Variants in TECRL observed in about 807,000 individuals in gnomAD.
TECRL encodes trans-2,3-enoyl-CoA reductase-like.
A neutral mutation model predicts 52.8 loss-of-function variants in TECRL; 63 were observed. That is an observed-to-expected ratio of 1.19 (90% CI 0.97 to 1.47). TECRL has a LOEUF of 1.47. Among genes scored for constraint, TECRL ranks in the 40% most tolerant of loss-of-function variants. The probability of loss-of-function intolerance (pLI) is 0.00; values close to 1 mark genes in which losing one functional copy is unlikely to be tolerated. For missense variants in TECRL, 482 were observed against 429.6 expected, an observed-to-expected ratio of 1.12 and a Z score of -1.08; for synonymous variants, 164 against 141.9, an observed-to-expected ratio of 1.16 and a Z score of -1.10.
chr4:64,340,329 A>G (rs1466557104), intron 2 of TECRL, among the ~76,000 whole-genome samples: 1 of 152,136 alleles, frequency 6.6e-6, no homozygotes, highest in Non-Finnish European at 1.5e-5. Context: ...CACCCAAATC[A>G]TGGCTGCAGG....
chr4:64,358,666 T>A (rs548478570), intron 2 of TECRL, among the ~76,000 whole-genome samples: 10 of 151,832 alleles, frequency 6.6e-5, no homozygotes, highest in Non-Finnish European at 1.0e-4. Flanking sequence ...GCTATTATTA[T>A]CTTTCAAAAA....
At chr4:64,319,432 A>T (rs1717740342) in intron 4 of TECRL, among the ~76,000 whole-genome samples, 1 of 151,896 alleles carries the variant, frequency 6.6e-6, no homozygotes, top group Non-Finnish European at 1.5e-5. Flanking sequence ...CATAATCTTT[A>T]AAAGAAAACC....
intron 1 of TECRL, among the ~76,000 whole-genome samples, chr4:64,406,164 G>GTA (rs1724711894): frequency 2.0e-5 from 3 of 149,306 alleles, no homozygotes. Context: ...GCGCGCGCGC[G>GTA]CGTGTGTGTG....
At chr4:64,344,366 T>C (rs1010298788) in intron 2 of TECRL, among the ~76,000 whole-genome samples, 1 of 151,990 alleles carries the variant, frequency 6.6e-6, no homozygotes, top group Non-Finnish European at 1.5e-5. Context: ...TGATGTTATA[T>C]TTTTTTAGTT....
intron 9 of TECRL, among the ~76,000 whole-genome samples, chr4:64,283,938 C>G (rs1026594037): frequency 6.6e-6 from 1 of 151,972 alleles, no homozygotes; most frequent in Admixed American, 6.6e-5. Flanking sequence ...CTTCTAGCCA[C>G]TACAACTAGG....
At chr4:64,299,788 T>C (rs985204787) in intron 8 of TECRL, among the ~76,000 whole-genome samples, 186 bp downstream of exon 8, 5 of 150,852 alleles carry the variant, frequency 3.3e-5, no homozygotes, top group African/African-American at 1.2e-4. Flanking sequence ...ACATTTTGAT[T>C]ATAAAATTTA....
At chr4:64,377,274 T>C (rs1722470525) in intron 1 of TECRL, among the ~76,000 whole-genome samples, 1 of 152,036 alleles carries the variant, frequency 6.6e-6, no homozygotes, top group Non-Finnish European at 1.5e-5. Flanking sequence ...GATTGAGACA[T>C]ATATTCAATT....
chr4:64,320,439 G>C (rs1717822667), intron 4 of TECRL, among the ~76,000 whole-genome samples: 1 of 151,892 alleles, frequency 6.6e-6, no homozygotes, highest in African/African-American at 2.4e-5. Flanking sequence ...TATATTTTTA[G>C]CATTTAATAG....
intron 2 of TECRL, among the ~76,000 whole-genome samples, chr4:64,367,944 C>T (rs1169726282): frequency 6.6e-6 from 1 of 151,950 alleles, no homozygotes; most frequent in Non-Finnish European, 1.5e-5. Context: ...CTCCAGTGGG[C>T]ACATTTGTTA....
intron 2 of TECRL, among the ~76,000 whole-genome samples, chr4:64,343,826 A>G (rs773363469): frequency 1.3e-5 from 2 of 152,124 alleles, no homozygotes; most frequent in Non-Finnish European, 2.9e-5. Flanking sequence ...AACCTCAATT[A>G]CACACTTTAG....
At chr4:64,334,785 A>C (rs1718925178) in intron 2 of TECRL, among the ~76,000 whole-genome samples, 1 of 152,236 alleles carries the variant, frequency 6.6e-6, no homozygotes, top group Admixed American at 6.5e-5. Context: ...GTTGCCTGTG[A>C]TACGAAGCAC....
rs1479992575 is a variant in TECRL at position 64,279,963 on chromosome 4, T to C, written c.*109A>G. On this transcript the variant is annotated 3_prime_UTR_variant, in exon 12 of 12. Transcript: ENST00000381210. ...CTATTTTATATTTTTACTCAGTGTATATACTGTTGCTCATGAATTGTTGGA... is the reference window on the plus strand; with the variant it reads ...CTATTTTATATTTTTACTCAGTGTACATACTGTTGCTCATGAATTGTTGGA... The C allele has an allele frequency of 1.4e-6, 2 of 1,433,524 alleles. No individual in the cohort carries two copies. The highest frequency in any genetic ancestry group is 1.5e-5 in the African/African-American group (1 of 68,468). The allele number at this position is 1,433,524 out of a possible 1,614,324, so 88.8% of individuals were successfully genotyped here. A position where few individuals can be genotyped will look rare whatever the true frequency, so the allele number is the denominator to read the frequency against.
chr4:64,371,640 A>G (rs747030100), intron 2 of TECRL, among the ~76,000 whole-genome samples: 30 of 151,696 alleles, frequency 2.0e-4, no homozygotes, highest in Admixed American at 3.3e-4. Flanking sequence ...GGAAACCCAG[A>G]CTATAGGAAT....
intron 1 of TECRL, among the ~76,000 whole-genome samples, chr4:64,403,547 A>T (rs1724506381): frequency 6.6e-6 from 1 of 151,472 alleles, no homozygotes; most frequent in African/African-American, 2.4e-5. Context: ...TCTCCCTGTT[A>T]TATTCTTCTT....
chr4:64,285,510 T>G (rs771432106), intron 9 of TECRL, among the ~76,000 whole-genome samples: 12 of 152,046 alleles, frequency 7.9e-5, no homozygotes, highest in Non-Finnish European at 1.6e-4. Context: ...GCACATCTAA[T>G]AGATATTACA....
intron 1 of TECRL, among the ~76,000 whole-genome samples, chr4:64,396,278 T>C (rs1334692066): frequency 6.6e-6 from 1 of 152,188 alleles, no homozygotes; most frequent in Non-Finnish European, 1.5e-5. Context: ...TGAATGTACA[T>C]TTCCACCAGG....
At chr4:64,398,976 A>G (rs1466542320) in intron 1 of TECRL, among the ~76,000 whole-genome samples, 4 of 152,184 alleles carry the variant, frequency 2.6e-5, no homozygotes, top group Non-Finnish European at 5.9e-5. Context: ...CCCATGCCCT[A>G]GGGATCCGTG....
intron 1 of TECRL, among the ~76,000 whole-genome samples, chr4:64,379,910 T>TA (rs1722663414): frequency 6.6e-6 from 1 of 152,130 alleles, no homozygotes; most frequent in African/African-American, 2.4e-5. Flanking sequence ...TTCCATTGGA[T>TA]AAATACCCAG....
chr4:64,385,367 A>C (rs1994141), intron 1 of TECRL, among the ~76,000 whole-genome samples: 146,803 of 152,256 alleles, frequency 0.96, 70,961 homozygotes, highest in East Asian at 1. Flanking sequence ...CAGCCTGTTG[A>C]TAGGGAGGTC....
Sources: gnomAD v4.1 joint callset for allele counts (sites outside exome capture counted in the v4.1 genomes callset) on GRCh38, gnomAD v4.1.1 for gene constraint, MANE v1.5 for transcripts, NCBI Gene and HGNC (gene_info 2026-07-23, HGNC 2026-07-21) for gene names.